The following FRAS1 variants were observed in gnomAD, a reference collection of about 807,000 sequenced individuals.
The protein encoded by FRAS1 is extracellular matrix organizing protein FRAS1.
In FRAS1, 290 loss-of-function variants were observed where a neutral mutation model predicts 435.2. The ratio of observed to expected loss-of-function variants is 0.67; its 90% confidence interval spans 0.61 to 0.73. FRAS1 has a LOEUF of 0.73. Ranked by LOEUF, FRAS1 falls within the 30% of genes least tolerant of loss-of-function variation. The probability of loss-of-function intolerance (pLI) is 0.00; values close to 1 mark genes in which losing one functional copy is unlikely to be tolerated. For missense variants in FRAS1, 4,860 were observed against 5,001.5 expected, an observed-to-expected ratio of 0.97 and a Z score of 0.85; for synonymous variants, 1,800 against 1,851.0, an observed-to-expected ratio of 0.97 and a Z score of 0.71.
chr4:78,531,452 T>C (rs1347755861), intron 70 of FRAS1, among the ~76,000 whole-genome samples: 8 of 150,308 alleles, frequency 5.3e-5, no homozygotes, highest in African/African-American at 1.9e-4. Context: ...CTTTTGCCCA[T>C]TCAGTATCAT....
At chr4:78,206,051 C>A (rs1255572796) in intron 2 of FRAS1, among the ~76,000 whole-genome samples, 1 of 151,952 alleles carries the variant, frequency 6.6e-6, no homozygotes, top group African/African-American at 2.4e-5. Flanking sequence ...GAGTAACGGC[C>A]CCAAGTTGTT....
At chr4:78,341,724 C>T (rs1036067600) in intron 20 of FRAS1, among the ~76,000 whole-genome samples, 30 of 151,836 alleles carry the variant, frequency 2.0e-4, no homozygotes, top group African/African-American at 6.8e-4. Flanking sequence ...CACAGAAATT[C>T]GAGGGGTGGG....
intron 2 of FRAS1, among the ~76,000 whole-genome samples, chr4:78,188,821 C>T (rs1051360559): frequency 1.3e-5 from 2 of 152,118 alleles, no homozygotes; most frequent in Admixed American, 6.5e-5. Flanking sequence ...CTGGTTTAGT[C>T]CTTGCATAGA....
At chr4:78,268,415 C>T (rs955324483) in intron 9 of FRAS1, among the ~76,000 whole-genome samples, 5 of 152,070 alleles carry the variant, frequency 3.3e-5, no homozygotes, top group African/African-American at 1.2e-4. Context: ...GATTTATTTC[C>T]CCTTAGATGC....
At chr4:78,136,648 T>G (rs1002234768) in intron 2 of FRAS1, among the ~76,000 whole-genome samples, 3 of 152,154 alleles carry the variant, frequency 2.0e-5, no homozygotes, top group African/African-American at 7.2e-5. Context: ...ATGGGACATG[T>G]CGAAGGCCAC....
chr4:78,064,879 T>C (rs888797671), intron 1 of FRAS1, among the ~76,000 whole-genome samples: 1 of 151,752 alleles, frequency 6.6e-6, no homozygotes, highest in Admixed American at 6.6e-5. Context: ...TGTTAAGATA[T>C]GCTTCACCTT....
intron 72 of FRAS1, 107 bp from the exon 73 acceptor site, chr4:78,539,187 C>A: frequency 9.1e-7 from 1 of 1,098,348 alleles, no homozygotes; most frequent in Non-Finnish European, 1.3e-6. Context: ...CTCAACTCAA[C>A]CTAAAGCCAG....
At chr4:78,188,309 CTATCTATCT>C (rs1722370861) in intron 2 of FRAS1, among the ~76,000 whole-genome samples, 1 of 8,146 alleles carries the variant, frequency 1.2e-4, no homozygotes, top group Non-Finnish European at 8.5e-3. Context: ...ATCTATCTAT[CTATCTATCT>C]AATCTATCTA....
At chr4:78,241,706 A>G (rs1285983140) in intron 3 of FRAS1, among the ~76,000 whole-genome samples, 2 of 152,170 alleles carry the variant, frequency 1.3e-5, no homozygotes, top group African/African-American at 4.8e-5. Flanking sequence ...CCTGGAGGAA[A>G]TAAGGGTGAG....
intron 20 of FRAS1, among the ~76,000 whole-genome samples, chr4:78,339,522 G>A (rs766548038): frequency 2.6e-5 from 4 of 151,534 alleles, no homozygotes; most frequent in African/African-American, 4.9e-5. Flanking sequence ...GGCATTATGC[G>A]GGGGGGTGGA....
At chr4:78,194,547 C>T (rs1722709303) in intron 2 of FRAS1, among the ~76,000 whole-genome samples, 1 of 152,232 alleles carries the variant, frequency 6.6e-6, no homozygotes, top group Non-Finnish European at 1.5e-5. Flanking sequence ...GATACCCTTT[C>T]TTCCAGTTGA....
chr4:78,185,378 T>G (rs1006929525), intron 2 of FRAS1, among the ~76,000 whole-genome samples: 7 of 152,222 alleles, frequency 4.6e-5, no homozygotes, highest in African/African-American at 1.7e-4. Flanking sequence ...TTAGATGGAA[T>G]GTATTTGTGC....
chr4:78,516,529 A>G lies in FRAS1; in HGVS notation c.10389+516A>G, dbSNP rs534961305. 2.0e-5 allele frequency among the ~76,000 whole-genome samples: 3 copies of G among 152,336 alleles called. No homozygotes were observed. In the East Asian group the frequency reaches 5.8e-4, roughly 29 times the overall value. The stretch of plus-strand genomic sequence containing the variant: ...GCCCCCACAAAAATAGACACTTTCT[A>G]AAATATATATTACCATTAAACATTA... On this transcript the variant is annotated intron_variant, in intron 66 of 73. Transcript: ENST00000512123.
intron 19 of FRAS1, among the ~76,000 whole-genome samples, chr4:78,333,644 A>G (rs761932919): frequency 1.3e-4 from 20 of 152,266 alleles, no homozygotes; most frequent in Non-Finnish European, 2.4e-4. Flanking sequence ...CCTAGAAACT[A>G]TAATATTTGA....
rs962326937 is a variant in FRAS1, at chr4:78,333,310, C to T, written c.2176C>T (p.Pro726Ser). The change falls in exon 19 of 74, where the codon CCA becomes TCA. Residue 726 changes from proline (P) to serine (S), a missense_variant. Coordinates refer to ENST00000512123, the MANE Select transcript of FRAS1 (RefSeq NM_025074.7). ...CTGTTTCAGATGTGCAGGGAAAAGC[C>T]CACATAACTGCACAGACTGTGGGCC... ...QSCFRCAGKSPHNCTDCGPSH... is the reference protein window; with the variant it reads ...QSCFRCAGKSSHNCTDCGPSH... 1 of 1,611,698 alleles carries T rather than the reference C, an allele frequency of 6.2e-7. No homozygotes were observed. The highest frequency in any genetic ancestry group is 1.3e-5 in the African/African-American group (1 of 74,874).
At chr4:78,425,140 C>T (rs187664977) in intron 35 of FRAS1, among the ~76,000 whole-genome samples, 170 of 150,952 alleles carry the variant, frequency 1.1e-3, no homozygotes, top group African/African-American at 4.0e-3. Flanking sequence ...AAATATAAAG[C>T]TCCAAGAATG....
At chr4:78,195,205 G>A (rs1159494482) in intron 2 of FRAS1, among the ~76,000 whole-genome samples, 2 of 152,216 alleles carry the variant, frequency 1.3e-5, no homozygotes, top group Admixed American at 6.5e-5. Flanking sequence ...TCGCAGTTAG[G>A]CTACTCGGGG....
chr4:78,237,503 T>C lies in FRAS1; in HGVS notation c.109-7T>C. On this transcript the variant is annotated splice_region_variant and splice_polypyrimidine_tract_variant and intron_variant, in intron 2 of 73. Coordinates refer to ENST00000512123, the MANE Select transcript of FRAS1 (RefSeq NM_025074.7). Reference sequence around the variant, plus strand: ...GTTTTTAAATCAGAGCTTATGCCTCTTTACAGGATGCCACAATTTGGAAGC... The same window carrying C: ...GTTTTTAAATCAGAGCTTATGCCTCCTTACAGGATGCCACAATTTGGAAGC... The C allele has an allele frequency of 1.9e-6, 3 of 1,609,762 alleles. No individual in the cohort carries two copies. Among genetic ancestry groups the C allele is most frequent in the Non-Finnish European group, 2.6e-6 (3 of 1,176,250 alleles).
intron 66 of FRAS1, among the ~76,000 whole-genome samples, chr4:78,518,104 G>C (rs888079626): frequency 6.8e-6 from 1 of 146,936 alleles, no homozygotes; most frequent in African/African-American, 2.5e-5. Context: ...GCTACAGAGA[G>C]AGACCCCATC....
Sources: gnomAD v4.1 joint callset for allele counts (sites outside exome capture counted in the v4.1 genomes callset) on GRCh38, gnomAD v4.1.1 for gene constraint, MANE v1.5 for transcripts, NCBI Gene and HGNC (gene_info 2026-07-23, HGNC 2026-07-21) for gene names.